Variants in ZNF891 observed in about 807,000 individuals in gnomAD.
The protein encoded by ZNF891 is hCG1646157.
For synonymous variants in ZNF891, 199 were observed against 209.0 expected (o/e 0.95, Z 0.41); for missense variants, 589 against 632.7 (o/e 0.93, Z 0.74).
In ZNF891 at chr12:133,110,271, T is replaced by C. The variant is rs186741045; in HGVS notation, c.*10013A>G. The C allele has an allele frequency of 1.1e-4, 17 of 152,230 alleles. No homozygotes were observed. In the East Asian group the frequency reaches 3.3e-3, roughly 29 times the overall value. The allele number at this position is 152,230 out of a possible 1,614,324, so 9.4% of individuals were successfully genotyped here. On this transcript the variant is annotated 3_prime_UTR_variant, in exon 2 of 2. Coordinates refer to ENST00000537226, the MANE Select transcript of ZNF891 (RefSeq NM_001277291.2). ...GATGAGTCTAGGAATATTGCAAAAG[T>C]AGTAAAAGTATTAATTTGGCTCTCA...
intron 1 of ZNF891, among the ~76,000 whole-genome samples, chr12:133,127,033 C>T (rs1322818628): frequency 1.9e-4 from 26 of 138,022 alleles, no homozygotes; most frequent in African/African-American, 6.3e-4. Flanking sequence ...GGCACAATCT[C>T]GGCTCACTGA....
Position 133,105,370 on chromosome 12 carries a change from C to T in ZNF891, c.*14914G>A. On this transcript the variant is annotated 3_prime_UTR_variant, in exon 2 of 2. Transcript: ENST00000537226. ...TTTCTGAAGTTCTGGGCATACTACT[C>T]AGATTTCAGTCACAGCTGTGAAAGC... The T allele has an allele frequency of 1.2e-6, 1 of 810,900 alleles. No individual in the cohort carries two copies. The highest frequency in any genetic ancestry group is 1.9e-6 in the Non-Finnish European group (1 of 528,838). The allele number at this position is 810,900 out of a possible 1,614,324, so 50.2% of individuals were successfully genotyped here.
Position 133,115,555 on chromosome 12 carries a change from T to C in ZNF891, c.*4729A>G, listed in dbSNP as rs1955711510. On this transcript the variant is annotated 3_prime_UTR_variant, in exon 2 of 2. Transcript: ENST00000537226. ...GTTTCCTTCTGTGTAGGGCAGAAGT[T>C]ATTTACATTGTTTTCTCCTATGCAT... is the stretch of plus-strand genomic sequence containing the variant. 1 of 152,154 alleles carries C rather than the reference T, an allele frequency of 6.6e-6. No homozygotes were observed. The highest frequency in any genetic ancestry group is 2.4e-5 in the African/African-American group (1 of 41,432). 9.4% of individuals were successfully genotyped at this position (152,154 alleles called of 1,614,324 possible).
chr12:133,127,915 A>G (rs11147244), intron 1 of ZNF891, among the ~76,000 whole-genome samples: 12,190 of 152,268 alleles, frequency 0.08, 879 homozygotes, highest in African/African-American at 0.19. Flanking sequence ...AAAGGCAGTC[A>G]TTAAAAACAA....
At chr12:133,122,222 T>A in intron 1 of ZNF891, 198 bp from the exon 2 acceptor site, 1 of 1,059,052 alleles carries the variant, frequency 9.4e-7, no homozygotes, top group Non-Finnish European at 1.1e-6. Context: ...ATCCTGATTC[T>A]TTGTACTGGC....
In ZNF891 at chr12:133,113,122, AT is replaced by A. The variant is rs1402849490; in HGVS notation, c.*7161del. 2 of 148,342 alleles carry A rather than the reference AT, an allele frequency of 1.3e-5. No individual in the cohort carries two copies. The highest frequency in any genetic ancestry group is 3.0e-5 in the Non-Finnish European group (2 of 67,110). The allele number at this position is 148,342 out of a possible 1,614,324, so 9.2% of individuals were successfully genotyped here. ...AAATATATTTATAAAATATAAAAAAATATATTTTTCAATTTTTTTAATCTGG... is the reference window on the plus strand; with the variant it reads ...AAATATATTTATAAAATATAAAAAAAATATTTTTCAATTTTTTTAATCTGG... On this transcript the variant is annotated 3_prime_UTR_variant, in exon 2 of 2. Coordinates refer to ENST00000537226, the MANE Select transcript of ZNF891 (RefSeq NM_001277291.2).
intron 1 of ZNF891, among the ~76,000 whole-genome samples, chr12:133,128,987 C>A (rs760938545): frequency 6.6e-6 from 1 of 151,172 alleles, no homozygotes; most frequent in East Asian, 1.9e-4. Flanking sequence ...AAAAAAAGGC[C>A]TAGATAATTA....
Position 133,119,610 on chromosome 12 carries a change from G to C in ZNF891, c.*674C>G, listed in dbSNP as rs1471058714. Reference sequence around the variant, plus strand: ...ATCCAGATACAAGTAGTGCAGGGCTGGTACAACTATTTAAAGATTTCTTTG... The same window carrying C: ...ATCCAGATACAAGTAGTGCAGGGCTCGTACAACTATTTAAAGATTTCTTTG... On this transcript the variant is annotated 3_prime_UTR_variant, in exon 2 of 2. Coordinates refer to ENST00000537226, the MANE Select transcript of ZNF891 (RefSeq NM_001277291.2). 2 of 152,148 alleles carry C rather than the reference G, an allele frequency of 1.3e-5. No homozygotes were observed. The highest frequency in any genetic ancestry group is 2.9e-5 in the Non-Finnish European group (2 of 68,062). 9.4% of individuals were successfully genotyped at this position (152,148 alleles called of 1,614,324 possible). A position where few individuals can be genotyped will look rare whatever the true frequency, so the allele number is the denominator to read the frequency against.
At chr12:133,128,096 T>C (rs1290392473) in intron 1 of ZNF891, among the ~76,000 whole-genome samples, 2 of 152,200 alleles carry the variant, frequency 1.3e-5, no homozygotes, top group Non-Finnish European at 2.9e-5. Flanking sequence ...GCAGCCAAAG[T>C]TCTTATTTAA....
In ZNF891 at chr12:133,111,587, G is replaced by A. The variant is rs1955682858; in HGVS notation, c.*8697C>T. On this transcript the variant is annotated 3_prime_UTR_variant, in exon 2 of 2. Transcript: ENST00000537226. Reference sequence around the variant, plus strand: ...CCTCAATATCACAAAGGACAAAATTGCATGGAAAAAAATGGATATTGCATC... The same window carrying A: ...CCTCAATATCACAAAGGACAAAATTACATGGAAAAAAATGGATATTGCATC... The A allele has an allele frequency of 6.6e-6, 1 of 152,024 alleles. No homozygotes were observed. Among genetic ancestry groups the A allele is most frequent in the South Asian group, 2.1e-4 (1 of 4,822 alleles). 9.4% of individuals were successfully genotyped at this position (152,024 alleles called of 1,614,324 possible).
chr12:133,124,947 A>G (rs1256544570), intron 1 of ZNF891, among the ~76,000 whole-genome samples: 1 of 151,724 alleles, frequency 6.6e-6, no homozygotes, highest in African/African-American at 2.4e-5. Context: ...CAGAGGAAAC[A>G]ATGTAAGAAA....
chr12:133,113,609 T>A lies in ZNF891; in HGVS notation c.*6675A>T, dbSNP rs983795034. ...TGAAACAGGTGAATATTGTTACTTATACATGAAAAATCCTTTTATAAAATC... is the reference window on the plus strand; with the variant it reads ...TGAAACAGGTGAATATTGTTACTTAAACATGAAAAATCCTTTTATAAAATC... On this transcript the variant is annotated 3_prime_UTR_variant, in exon 2 of 2. Transcript: ENST00000537226. The A allele has an allele frequency of 1.3e-5, 2 of 152,254 alleles. No homozygotes were observed. The highest frequency in any genetic ancestry group is 2.9e-5 in the Non-Finnish European group (2 of 68,036). The allele number at this position is 152,254 out of a possible 1,614,324, so 9.4% of individuals were successfully genotyped here.
intron 1 of ZNF891, chr12:133,125,574 T>C (rs7314723): frequency 0.56 from 121,020 of 215,044 alleles, 35,161 homozygotes; most frequent in Non-Finnish European, 0.62. Flanking sequence ...TGAAAGGTAT[T>C]CACAGCAACA....
chr12:133,105,692 A>G lies in ZNF891; in HGVS notation c.*14592T>C. 1 of 1,614,210 alleles carries G rather than the reference A, an allele frequency of 6.2e-7. No homozygotes were observed. Reference sequence around the variant, plus strand: ...GCAAGAAAATCAGGGATGTATTAGGAAAGTAACAGTCTCTCATCAAGAAGC... The same window carrying G: ...GCAAGAAAATCAGGGATGTATTAGGGAAGTAACAGTCTCTCATCAAGAAGC... On this transcript the variant is annotated 3_prime_UTR_variant, in exon 2 of 2. Transcript: ENST00000537226.
chr12:133,128,430 G>A (rs12423833), intron 1 of ZNF891, among the ~76,000 whole-genome samples: 33,804 of 152,080 alleles, frequency 0.22, 4,532 homozygotes, highest in Non-Finnish European at 0.3. Context: ...TGAAGAGTTC[G>A]AGACCAGCCT....
At position 133,122,025 on chromosome 12, in the gene ZNF891, C is replaced by G. The variant is rs1425078921; in HGVS notation, c.-106-1G>C. On this transcript the variant is annotated splice_acceptor_variant, in intron 1 of 1. Coordinates refer to ENST00000537226, the MANE Select transcript of ZNF891 (RefSeq NM_001277291.2). LOFTEE classifies it low-confidence loss of function (5UTR_SPLICE). ...GGATGCATTTCACCCGAAGTTCTCCCTGTAGCCAAAGAAGCAAGTTCAGGT... is the reference window on the plus strand; with the variant it reads ...GGATGCATTTCACCCGAAGTTCTCCGTGTAGCCAAAGAAGCAAGTTCAGGT... 7.1e-7 allele frequency: 1 copy of G among 1,404,374 alleles called. No individual in the cohort carries two copies. The highest frequency in any genetic ancestry group is 9.2e-7 in the Non-Finnish European group (1 of 1,083,028). The allele number at this position is 1,404,374 out of a possible 1,614,324, so 87.0% of individuals were successfully genotyped here.
At position 133,109,517 on chromosome 12, in the gene ZNF891, AT is replaced by A. The variant is rs1355986549; in HGVS notation, c.*10766del. The stretch of plus-strand genomic sequence containing the variant: ...TAAATATTCTCAAGTTCACTTAAAT[AT>A]TCTCAACTAAGGGAGAGGCAGGTCC... On this transcript the variant is annotated 3_prime_UTR_variant, in exon 2 of 2. Transcript: ENST00000537226. 1 of 151,942 alleles carries A rather than the reference AT, an allele frequency of 6.6e-6. No homozygotes were observed. Among genetic ancestry groups the A allele is most frequent in the African/African-American group, 2.4e-5 (1 of 41,188 alleles). The allele number at this position is 151,942 out of a possible 1,614,324, so 9.4% of individuals were successfully genotyped here. A position where few individuals can be genotyped will look rare whatever the true frequency, so the allele number is the denominator to read the frequency against.
At position 133,119,051 on chromosome 12, in the gene ZNF891, T is replaced by C. The variant is rs904692435; in HGVS notation, c.*1233A>G. On this transcript the variant is annotated 3_prime_UTR_variant, in exon 2 of 2. Coordinates refer to ENST00000537226, the MANE Select transcript of ZNF891 (RefSeq NM_001277291.2). The stretch of plus-strand genomic sequence containing the variant: ...CTGAGCAATGTAGGAAGAGCCTGTC[T>C]CTACAAAATATATATTTTTAAAATT... 5 of 152,044 alleles carry C rather than the reference T, an allele frequency of 3.3e-5. No individual in the cohort carries two copies. The highest frequency in any genetic ancestry group is 3.3e-4 in the Admixed American group (5 of 15,254). The allele number at this position is 152,044 out of a possible 1,614,324, so 9.4% of individuals were successfully genotyped here. A position where few individuals can be genotyped will look rare whatever the true frequency, so the allele number is the denominator to read the frequency against.
chr12:133,105,899 C>G lies in ZNF891; in HGVS notation c.*14385G>C, dbSNP rs1955573687. 1 of 1,614,054 alleles carries G rather than the reference C, an allele frequency of 6.2e-7. No homozygotes were observed. Among genetic ancestry groups the G allele is most frequent in the Non-Finnish European group, 8.5e-7 (1 of 1,180,012 alleles). Reference sequence around the variant, plus strand: ...CCAGATTTCAAACCTTGTGAAACACCAAATGATACATACTGGAAAGAAACC... The same window carrying G: ...CCAGATTTCAAACCTTGTGAAACACGAAATGATACATACTGGAAAGAAACC... On this transcript the variant is annotated 3_prime_UTR_variant, in exon 2 of 2. Transcript: ENST00000537226.
Sources: gnomAD v4.1 joint callset for allele counts (sites outside exome capture counted in the v4.1 genomes callset) on GRCh38, gnomAD v4.1.1 for gene constraint, MANE v1.5 for transcripts, NCBI Gene and HGNC (gene_info 2026-07-23, HGNC 2026-07-21) for gene names.